The following HNRNPLL variants were observed in gnomAD, a reference collection of about 807,000 sequenced individuals.
The protein encoded by HNRNPLL is heterogeneous nuclear ribonucleoprotein L like, also known as heterogeneous nuclear ribonucleoprotein L-like.
A neutral mutation model predicts 67.1 loss-of-function variants in HNRNPLL; 25 were observed. The observed-to-expected ratio is 0.37, with a 90% confidence interval of 0.27 to 0.52. The LOEUF is 0.52. HNRNPLL is among the 20% of genes least tolerant of loss of function. The pLI is 0.90. For synonymous variants in HNRNPLL, 267 were observed against 241.7 expected (o/e 1.10, Z -0.97); for missense variants, 542 against 673.9 (o/e 0.80, Z 2.17).
chr2:38,592,417 T>C (rs557558337), intron 1 of HNRNPLL, among the ~76,000 whole-genome samples: 24 of 152,364 alleles, frequency 1.6e-4, no homozygotes, highest in African/African-American at 5.1e-4. Flanking sequence ...CTTGTTTAAT[T>C]GGTTATCTAG....
intron 8 of HNRNPLL, among the ~76,000 whole-genome samples, chr2:38,572,493 T>C (rs78529569): frequency 0.015 from 2,235 of 152,238 alleles, 59 homozygotes; most frequent in African/African-American, 0.051. Context: ...TTTATCAAAC[T>C]ACTGGTAACT....
intron 1 of HNRNPLL, chr2:38,601,619 C>T (rs1260628510): frequency 6.6e-6 from 1 of 152,220 alleles, no homozygotes; most frequent in Admixed American, 6.5e-5. Flanking sequence ...CTCCCCCTAA[C>T]ATTTCTGGTA....
intron 1 of HNRNPLL, among the ~76,000 whole-genome samples, chr2:38,596,041 C>G (rs914665360): frequency 3.3e-5 from 5 of 151,780 alleles, no homozygotes; most frequent in African/African-American, 1.2e-4. Context: ...TTCTTTAACA[C>G]ACAATTTTCT....
chr2:38,591,959 G>C (rs1388839417), intron 1 of HNRNPLL, among the ~76,000 whole-genome samples: 2 of 152,100 alleles, frequency 1.3e-5, no homozygotes, highest in African/African-American at 4.8e-5. Context: ...CTGGGCGACA[G>C]AGTGAGACTC....
At chr2:38,569,731 TTAA>T (rs911894906) in intron 9 of HNRNPLL, 70 bp downstream of exon 9, 1 of 765,328 alleles carries the variant, frequency 1.3e-6, no homozygotes, top group African/African-American at 1.8e-5. Context: ...CAAGTTGACA[TTAA>T]TGTCTCTAAT....
At chr2:38,583,403 G>C (rs547901956) in intron 4 of HNRNPLL, among the ~76,000 whole-genome samples, 105 of 152,122 alleles carry the variant, frequency 6.9e-4, no homozygotes, top group Non-Finnish European at 1.3e-3. Flanking sequence ...ATACTATTTT[G>C]TAACTTGCTC....
intron 3 of HNRNPLL, among the ~76,000 whole-genome samples, chr2:38,584,531 T>C (rs1666650553): frequency 6.6e-6 from 1 of 152,188 alleles, no homozygotes; most frequent in Admixed American, 6.5e-5. Context: ...TCTGATGATA[T>C]AAAATTAATA....
intron 12 of HNRNPLL, among the ~76,000 whole-genome samples, chr2:38,565,644 C>T (rs985737945): frequency 2.1e-5 from 3 of 145,706 alleles, no homozygotes; most frequent in Non-Finnish European, 4.5e-5. Flanking sequence ...GGGAGGATCA[C>T]TTGAGCTCAG....
chr2:38,565,474 G>C (rs893286558), intron 12 of HNRNPLL, among the ~76,000 whole-genome samples: 3 of 152,040 alleles, frequency 2.0e-5, no homozygotes, highest in African/African-American at 7.2e-5. Flanking sequence ...GGGAGGCTGA[G>C]GCCAGAGGAC....
intron 12 of HNRNPLL, among the ~76,000 whole-genome samples, chr2:38,566,945 C>A (rs1033281843): frequency 2.0e-5 from 3 of 151,442 alleles, no homozygotes; most frequent in Non-Finnish European, 2.9e-5. Context: ...AGTGGGGGGA[C>A]GGGTAAATAA....
chr2:38,582,712 G>A (rs1052058069), intron 4 of HNRNPLL, among the ~76,000 whole-genome samples: 3 of 152,056 alleles, frequency 2.0e-5, no homozygotes, highest in African/African-American at 7.2e-5. Flanking sequence ...CTGAGCTCAG[G>A]AGTTCGAGAC....
Position 38,602,646 on chromosome 2 carries a change from G to T in HNRNPLL, c.-20C>A, listed in dbSNP as rs769096997. ...GGACATGGCGGCGGCCGGAGGGACCGGCTGGCAGGCGGGTGGGGGTGGCGG... is the reference window on the plus strand; with the variant it reads ...GGACATGGCGGCGGCCGGAGGGACCTGCTGGCAGGCGGGTGGGGGTGGCGG... On this transcript the variant is annotated 5_prime_UTR_variant, in exon 1 of 13. Coordinates refer to ENST00000449105, the MANE Select transcript of HNRNPLL (RefSeq NM_138394.4). 2.7e-6 allele frequency: 4 copies of T among 1,489,432 alleles called. No individual in the cohort carries two copies. In the South Asian group the frequency reaches 3.9e-5, roughly 14 times the overall value. 92.3% of individuals were successfully genotyped at this position (1,489,432 alleles called of 1,614,324 possible).
intron 2 of HNRNPLL, among the ~76,000 whole-genome samples, chr2:38,587,177 G>T (rs573144617): frequency 6.6e-6 from 1 of 152,108 alleles, no homozygotes; most frequent in African/African-American, 2.4e-5. Context: ...ACTAACAAAT[G>T]GTACAGTATT....
chr2:38,596,418 CTGGCTGATTTT>C (rs1434163547), intron 1 of HNRNPLL, among the ~76,000 whole-genome samples: 1 of 152,082 alleles, frequency 6.6e-6, no homozygotes, highest in Non-Finnish European at 1.5e-5. Context: ...ACCACCACAC[CTGGCTGATTTT>C]TGTGGTTTAA....
At chr2:38,589,562 A>G (rs907398608) in intron 2 of HNRNPLL, among the ~76,000 whole-genome samples, 3 of 152,196 alleles carry the variant, frequency 2.0e-5, no homozygotes, top group African/African-American at 4.8e-5. Context: ...TTCTATCCAC[A>G]TAACTACCAA....
At chr2:38,589,953 TAG>T (rs796198500) in intron 2 of HNRNPLL, among the ~76,000 whole-genome samples, 55 of 152,320 alleles carry the variant, frequency 3.6e-4, no homozygotes, top group African/African-American at 1.3e-3. Context: ...AAGGTCCTTA[TAG>T]AGACAGGGGT....
intron 1 of HNRNPLL, among the ~76,000 whole-genome samples, chr2:38,593,737 G>A (rs745358606): frequency 1.3e-5 from 2 of 152,028 alleles, no homozygotes; most frequent in East Asian, 1.9e-4. Context: ...GGTGGAGGAC[G>A]CCTGTAATTC....
In HNRNPLL at chr2:38,569,116, T is replaced by C; in HGVS notation, c.1416+17A>G. ...GAAATAGCAACATTCTATACACATT[T>C]GTATTTCAGTGCCTACCTTTGTGAA... On this transcript the variant is annotated intron_variant, in intron 10 of 12. Coordinates refer to ENST00000449105, the MANE Select transcript of HNRNPLL (RefSeq NM_138394.4). 1.8e-5 allele frequency: 27 copies of C among 1,521,460 alleles called. No homozygotes were observed. The highest frequency in any genetic ancestry group is 2.4e-5 in the Non-Finnish European group (26 of 1,095,852). The allele number at this position is 1,521,460 out of a possible 1,614,324, so 94.2% of individuals were successfully genotyped here. A position where few individuals can be genotyped will look rare whatever the true frequency, so the allele number is the denominator to read the frequency against.
chr2:38,579,540 CAGTGGTA>C (rs2148355059), intron 6 of HNRNPLL, among the ~76,000 whole-genome samples: 1 of 152,064 alleles, frequency 6.6e-6, no homozygotes, highest in African/African-American at 2.4e-5. Context: ...AGTTTCTAAA[CAGTGGTA>C]AGCTTTCCTA....
Sources: gnomAD v4.1 joint callset for allele counts (sites outside exome capture counted in the v4.1 genomes callset) on GRCh38, gnomAD v4.1.1 for gene constraint, MANE v1.5 for transcripts, NCBI Gene and HGNC (gene_info 2026-07-23, HGNC 2026-07-21) for gene names.